KCNN2: variants seen among roughly 807,000 people sequenced by gnomAD.
KCNN2 encodes the protein potassium calcium-activated channel subfamily N member 2.
A neutral mutation model predicts 55.5 loss-of-function variants in KCNN2; 24 were observed. The ratio of observed to expected loss-of-function variants is 0.43; its 90% CI spans 0.31 to 0.61. The LOEUF (loss-of-function observed/expected upper bound fraction) is 0.61. Among genes scored for constraint, KCNN2 ranks in the 20% least tolerant of loss-of-function variants. KCNN2 has a pLI of 0.08. For missense variants in KCNN2, 754 were observed against 853.6 expected, an observed-to-expected ratio of 0.88 and a Z score of 1.45; for synonymous variants, 431 against 336.1, an observed-to-expected ratio of 1.28 and a Z score of -3.09.
intron 2 of KCNN2, among the ~76,000 whole-genome samples, chr5:114,224,055 G>A (rs1754195324): frequency 6.6e-6 from 1 of 152,194 alleles, no homozygotes; most frequent in African/African-American, 2.4e-5. Flanking sequence ...ACAGCCTAGA[G>A]GGAAAGTATT....
intron 1 of KCNN2, among the ~76,000 whole-genome samples, chr5:114,172,826 G>C (rs1316328574): frequency 6.6e-6 from 1 of 151,300 alleles, no homozygotes; most frequent in Non-Finnish European, 1.5e-5. Flanking sequence ...ATATATTCTG[G>C]TTATTAATAC....
intron 2 of KCNN2, among the ~76,000 whole-genome samples, chr5:114,343,060 G>A (rs1395083307): frequency 6.6e-6 from 1 of 152,148 alleles, no homozygotes; most frequent in Admixed American, 6.5e-5. Flanking sequence ...TACACTGTTA[G>A]TTTCTCAAGG....
intron 3 of KCNN2, among the ~76,000 whole-genome samples, chr5:114,423,988 T>C (rs1759544663): frequency 6.6e-6 from 1 of 152,124 alleles, no homozygotes; most frequent in Non-Finnish European, 1.5e-5. Context: ...TGAAGAAGGG[T>C]TGCAGTTGGA....
At chr5:114,224,155 G>A (rs1293669437) in intron 2 of KCNN2, among the ~76,000 whole-genome samples, 2 of 152,158 alleles carry the variant, frequency 1.3e-5, no homozygotes, top group Non-Finnish European at 2.9e-5. Flanking sequence ...CAGAACTGTG[G>A]TTTTCAGAGT....
intron 2 of KCNN2, among the ~76,000 whole-genome samples, chr5:114,368,318 A>G (rs1362528103): frequency 6.6e-6 from 1 of 152,196 alleles, no homozygotes; most frequent in Admixed American, 6.5e-5. Flanking sequence ...GTCATCTTTT[A>G]TGATGGAATA....
intron 2 of KCNN2, among the ~76,000 whole-genome samples, chr5:114,401,123 A>T (rs554084171): frequency 6.6e-6 from 1 of 152,232 alleles, no homozygotes; most frequent in Non-Finnish European, 1.5e-5. Context: ...AAATGAATAA[A>T]CAAGCAACAT....
intron 2 of KCNN2, among the ~76,000 whole-genome samples, chr5:114,343,908 A>C (rs1390176834): frequency 1.3e-5 from 2 of 152,142 alleles, no homozygotes; most frequent in Non-Finnish European, 2.9e-5. Context: ...ATGTGGTCCT[A>C]GGGGATTTTC....
chr5:114,202,073 C>A (rs1011843522), intron 1 of KCNN2, among the ~76,000 whole-genome samples: 1 of 152,050 alleles, frequency 6.6e-6, no homozygotes, highest in Non-Finnish European at 1.5e-5. Context: ...TGTGGGGGCA[C>A]CTGTTCTCTT....
intron 2 of KCNN2, among the ~76,000 whole-genome samples, chr5:114,236,260 T>C (rs536903058): frequency 6.6e-6 from 1 of 152,318 alleles, no homozygotes; most frequent in East Asian, 1.9e-4. Flanking sequence ...TTCTCTTCAA[T>C]ATCCAAACCA....
At chr5:114,187,646 C>A (rs759717759) in intron 1 of KCNN2, among the ~76,000 whole-genome samples, 17 of 150,336 alleles carry the variant, frequency 1.1e-4, no homozygotes, top group Non-Finnish European at 1.8e-4. Context: ...GCTGGGACTA[C>A]AGGCACCCAC....
At chr5:114,170,673 A>T (rs1222209489) in intron 1 of KCNN2, among the ~76,000 whole-genome samples, 1 of 152,014 alleles carries the variant, frequency 6.6e-6, no homozygotes, top group Non-Finnish European at 1.5e-5. Flanking sequence ...CTCAATTGAT[A>T]GCCTTAAATA....
At chr5:114,126,998 C>T (rs575063828) in intron 1 of KCNN2, among the ~76,000 whole-genome samples, 25 of 152,294 alleles carry the variant, frequency 1.6e-4, no homozygotes, top group African/African-American at 4.1e-4. Context: ...ATATCCAGGT[C>T]GCGCTGATGC....
intron 1 of KCNN2, among the ~76,000 whole-genome samples, chr5:114,079,901 G>T (rs547498370): frequency 6.6e-6 from 1 of 151,888 alleles, no homozygotes; most frequent in East Asian, 1.9e-4. Context: ...ATGGGGGAAA[G>T]AATAATAGGA....
intron 3 of KCNN2, among the ~76,000 whole-genome samples, chr5:114,413,372 C>CCTCCTGCGTTCAAGCGATT (rs1269427781): frequency 6.6e-6 from 1 of 152,184 alleles, no homozygotes; most frequent in Admixed American, 6.5e-5. Context: ...GCAACCTCTG[C>CCTCCTGCGTTCAAGCGATT]CTCCTGCGTT....
At chr5:114,065,996 A>T (rs181885852) in intron 1 of KCNN2, among the ~76,000 whole-genome samples, 7 of 151,970 alleles carry the variant, frequency 4.6e-5, no homozygotes, top group Non-Finnish European at 8.8e-5. Context: ...TACATTTTGC[A>T]ATCCAGTCTG....
chr5:114,099,078 T>A (rs1048361359), intron 1 of KCNN2, among the ~76,000 whole-genome samples: 1 of 152,200 alleles, frequency 6.6e-6, no homozygotes, highest in Admixed American at 6.6e-5. Context: ...AAGGATTGAC[T>A]TTATTCTGAA....
At chr5:114,079,210 A>G (rs1750748613) in intron 1 of KCNN2, among the ~76,000 whole-genome samples, 1 of 152,222 alleles carries the variant, frequency 6.6e-6, no homozygotes, top group Non-Finnish European at 1.5e-5. Context: ...ATCCAGAGAA[A>G]GAGACTTTTA....
intron 2 of KCNN2, among the ~76,000 whole-genome samples, chr5:114,403,460 G>T (rs147126258): frequency 6.6e-6 from 1 of 152,232 alleles, no homozygotes; most frequent in East Asian, 1.9e-4. Flanking sequence ...CAAAACAAAG[G>T]TCTTCCTAAT....
At chr5:114,091,171 TCA>T (rs1751136258) in intron 1 of KCNN2, among the ~76,000 whole-genome samples, 1 of 152,096 alleles carries the variant, frequency 6.6e-6, no homozygotes, top group African/African-American at 2.4e-5. Context: ...AGGCTGTTAA[TCA>T]CAGTCTCCTG....
Sources: allele counts gnomAD v4.1 joint callset (sites outside exome capture counted in the v4.1 genomes callset), GRCh38; gene constraint gnomAD v4.1.1; transcripts MANE v1.5; gene names NCBI Gene and HGNC (gene_info 2026-07-23, HGNC 2026-07-21).